Variants in VEZT observed in about 807,000 individuals in gnomAD.
VEZT encodes vezatin, adherens junctions transmembrane protein.
VEZT carries 39 observed loss-of-function variants against 79.9 expected under a neutral mutation model. The observed-to-expected ratio is 0.49, with a 90% confidence interval of 0.38 to 0.64. The LOEUF (loss-of-function observed/expected upper bound fraction) is 0.64. Ranked by LOEUF, VEZT falls within the 30% of genes least tolerant of loss-of-function variation. The pLI, the probability that VEZT is intolerant of heterozygous loss-of-function variation, is 0.00. For missense variants in VEZT, 837 were observed against 893.1 expected (o/e 0.94, Z 0.80); for synonymous variants, 325 against 327.6 (o/e 0.99, Z 0.09).
At chr12:95,268,272 G>C (rs533840397) in intron 5 of VEZT, among the ~76,000 whole-genome samples, 1 of 152,230 alleles carries the variant, frequency 6.6e-6, no homozygotes, top group East Asian at 1.9e-4. Flanking sequence ...GAGGCGGGCG[G>C]ATCACGAGGT....
intron 5 of VEZT, among the ~76,000 whole-genome samples, chr12:95,268,906 G>A (rs1250931707): frequency 1.3e-5 from 2 of 152,178 alleles, no homozygotes; most frequent in Admixed American, 1.3e-4. Context: ...AATCATGAAT[G>A]CTGTTTTGTT....
chr12:95,295,167 T>C (rs982810677), intron 10 of VEZT, among the ~76,000 whole-genome samples: 2 of 152,184 alleles, frequency 1.3e-5, no homozygotes, highest in African/African-American at 2.4e-5. Context: ...AGTGCTTGGT[T>C]CTTTTTTATA....
intron 7 of VEZT, among the ~76,000 whole-genome samples, chr12:95,278,798 G>A (rs1010198961): frequency 3.3e-5 from 5 of 152,196 alleles, no homozygotes; most frequent in African/African-American, 9.7e-5. Flanking sequence ...GCCTGGCACC[G>A]TGGCTCACGC....
At chr12:95,262,858 A>G (rs780440204) in intron 3 of VEZT, 48 bp from the exon 4 acceptor site, 1 of 1,425,080 alleles carries the variant, frequency 7.0e-7, no homozygotes, top group African/African-American at 1.4e-5. Context: ...CGTTTAATGC[A>G]ATATTATATA....
intron 3 of VEZT, among the ~76,000 whole-genome samples, chr12:95,258,489 G>A (rs2063821335): frequency 6.6e-6 from 1 of 152,058 alleles, no homozygotes; most frequent in South Asian, 2.1e-4. Context: ...TACTAGTAAT[G>A]GAACAAGAAA....
chr12:95,256,225 A>G (rs1347891304), intron 2 of VEZT, among the ~76,000 whole-genome samples: 1 of 151,616 alleles, frequency 6.6e-6, no homozygotes, highest in East Asian at 1.9e-4. Flanking sequence ...CTAATTTTGT[A>G]TTTTTCGTAG....
At chr12:95,260,331 CTT>C (rs1276199617) in intron 3 of VEZT, among the ~76,000 whole-genome samples, 2 of 152,076 alleles carry the variant, frequency 1.3e-5, no homozygotes, top group Non-Finnish European at 2.9e-5. Context: ...GTCTTGAACT[CTT>C]GGCCTCAAGT....
intron 1 of VEZT, among the ~76,000 whole-genome samples, chr12:95,237,838 T>C (rs540371108): frequency 1.3e-5 from 2 of 152,312 alleles, no homozygotes; most frequent in South Asian, 4.1e-4. Flanking sequence ...CCCTGAAGGA[T>C]GAATAAAAGT....
chr12:95,247,094 T>C (rs2061826697), intron 1 of VEZT, among the ~76,000 whole-genome samples: 1 of 152,208 alleles, frequency 6.6e-6, no homozygotes, highest in African/African-American at 2.4e-5. Flanking sequence ...AAATAAATTA[T>C]GTTGAGTGAT....
intron 8 of VEZT, among the ~76,000 whole-genome samples, chr12:95,283,779 C>G (rs2069803157): frequency 6.6e-6 from 1 of 152,130 alleles, no homozygotes; most frequent in African/African-American, 2.4e-5. Flanking sequence ...ACTATGAACT[C>G]AGGGTATTCC....
At chr12:95,278,639 T>G (rs1369744685) in intron 7 of VEZT, among the ~76,000 whole-genome samples, 1 of 152,256 alleles carries the variant, frequency 6.6e-6, no homozygotes, top group Non-Finnish European at 1.5e-5. Flanking sequence ...GGATTTATTT[T>G]TTATTGTTCC....
chr12:95,275,264 A>G (rs2067414575), intron 7 of VEZT, among the ~76,000 whole-genome samples: 1 of 152,222 alleles, frequency 6.6e-6, no homozygotes. Flanking sequence ...TCATACATCA[A>G]AAGCCACATG....
intron 7 of VEZT, among the ~76,000 whole-genome samples, chr12:95,279,328 A>G (rs755463704): frequency 4.6e-5 from 7 of 152,316 alleles, no homozygotes; most frequent in East Asian, 3.9e-4. Context: ...GGGATACTCA[A>G]TCAGTCCCTA....
chr12:95,249,038 TATAA>T (rs1457424647), intron 1 of VEZT, among the ~76,000 whole-genome samples: 2 of 152,214 alleles, frequency 1.3e-5, no homozygotes, highest in African/African-American at 2.4e-5. Flanking sequence ...TTTCAGTGTC[TATAA>T]ATAAAGTTTT....
chr12:95,291,279 T>G (rs555069283), intron 9 of VEZT, among the ~76,000 whole-genome samples: 1 of 152,290 alleles, frequency 6.6e-6, no homozygotes, highest in East Asian at 1.9e-4. Flanking sequence ...CACATTATTT[T>G]AAAACGCTTC....
intron 6 of VEZT, among the ~76,000 whole-genome samples, chr12:95,272,031 A>G (rs922027357): frequency 6.6e-6 from 1 of 152,080 alleles, no homozygotes; most frequent in Non-Finnish European, 1.5e-5. Flanking sequence ...AATTAGCTGC[A>G]TGGTGGCACA....
intron 1 of VEZT, among the ~76,000 whole-genome samples, chr12:95,219,287 G>T (rs1362040579): frequency 6.6e-6 from 1 of 152,034 alleles, no homozygotes; most frequent in Non-Finnish European, 1.5e-5. Flanking sequence ...TTTTATTGTA[G>T]AAAATAAGCC....
At position 95,289,699 on chromosome 12, in the gene VEZT, T is replaced by C. The variant is rs111779256; in HGVS notation, c.1522+1842T>C. On this transcript the variant is annotated intron_variant, in intron 9 of 11. Transcript: ENST00000436874. The stretch of plus-strand genomic sequence containing the variant: ...TTCACAGTGGCCATGACTACACAGG[T>C]TTAAATTTAAAAAATGTTCATTTGA... Among the ~76,000 whole-genome samples, 669 of 152,264 alleles carry C rather than the reference T, an allele frequency of 4.4e-3. 5 individuals carry two copies. Among genetic ancestry groups the C allele is most frequent in the African/African-American group, 0.015 (632 of 41,566 alleles).
intron 1 of VEZT, among the ~76,000 whole-genome samples, chr12:95,235,659 G>T (rs9706167): frequency 7.5e-6 from 1 of 133,422 alleles, no homozygotes; most frequent in South Asian, 2.5e-4. Flanking sequence ...GCGGCTGGCC[G>T]GGCGGGGGGC....
Sources: gnomAD v4.1 joint callset for allele counts (sites outside exome capture counted in the v4.1 genomes callset) on GRCh38, gnomAD v4.1.1 for gene constraint, MANE v1.5 for transcripts, NCBI Gene and HGNC (gene_info 2026-07-23, HGNC 2026-07-21) for gene names.